ITPRID1: variants seen among roughly 807,000 people sequenced by gnomAD.
The protein encoded by ITPRID1 is protein ITPRID1.
ITPRID1 carries 96 observed loss-of-function variants against 95.4 expected under a neutral mutation model. That is an observed-to-expected ratio of 1.01 (90% CI 0.85 to 1.19). ITPRID1 has a LOEUF of 1.19. ITPRID1 is among the 50% of genes most tolerant of loss of function. The pLI is 0.00. For missense variants in ITPRID1, 1,339 were observed against 1,252.9 expected (o/e 1.07, Z -1.04); for synonymous variants, 510 against 453.6 (o/e 1.12, Z -1.58).
intron 5 of ITPRID1, among the ~76,000 whole-genome samples, chr7:31,556,896 CA>C (rs1306637150): frequency 3.9e-5 from 6 of 151,996 alleles, no homozygotes; most frequent in Non-Finnish European, 7.4e-5. Flanking sequence ...AGCCCAAAAT[CA>C]AGGTGTCACC....
Position 31,572,140 on chromosome 7 carries a change from G to A in ITPRID1, c.347G>A (p.Arg116Lys). 6.2e-7 allele frequency: 1 copy of A among 1,612,126 alleles called. No individual in the cohort carries two copies. Among genetic ancestry groups the A allele is most frequent in the Non-Finnish European group, 8.5e-7 (1 of 1,178,678 alleles). ...HQFSETPILS[R>K]GTSFNSCYST... ...TTTTCAGAAACTCCCATCCTATCCAGAGGGACCAGTTTCAACTCTTGCTAT... is the reference window on the plus strand; with the variant it reads ...TTTTCAGAAACTCCCATCCTATCCAAAGGGACCAGTTTCAACTCTTGCTAT... Residue 116 changes from arginine to lysine, a missense_variant, in exon 7 of 15, where the codon AGA (arginine) becomes AAA (lysine). Coordinates refer to ENST00000615280, the MANE Select transcript of ITPRID1 (RefSeq NM_001257967.3).
At chr7:31,582,706 G>T (rs557408363) in intron 9 of ITPRID1, among the ~76,000 whole-genome samples, 101 of 151,922 alleles carry the variant, frequency 6.6e-4, no homozygotes, top group African/African-American at 2.4e-3. Flanking sequence ...AATAAATTTT[G>T]TTCTAGCAAT....
chr7:31,526,316 G>A (rs1290568165), intron 1 of ITPRID1, among the ~76,000 whole-genome samples: 1 of 152,188 alleles, frequency 6.6e-6, no homozygotes, highest in Admixed American at 6.6e-5. Flanking sequence ...TTTATTGGGG[G>A]TTAACCCCAT....
In ITPRID1 at chr7:31,587,243, T is replaced by C. The variant is rs566786013; in HGVS notation, c.1228+4052T>C. Among the ~76,000 whole-genome samples, 332 of 152,238 alleles carry C rather than the reference T, an allele frequency of 2.2e-3. 4 individuals are homozygous for C. Among genetic ancestry groups the C allele is most frequent in the African/African-American group, 7.6e-3 (317 of 41,544 alleles). ...ATGATTGTATATCTAGAAAACCCCA[T>C]TGTCTCAGCCCAAAATCTCCTTAAG... is the stretch of plus-strand genomic sequence containing the variant. On this transcript the variant is annotated intron_variant, in intron 10 of 14. Coordinates refer to ENST00000615280, the MANE Select transcript of ITPRID1 (RefSeq NM_001257967.3).
chr7:31,590,035 T>C (rs1041359693), intron 10 of ITPRID1, among the ~76,000 whole-genome samples: 2 of 152,110 alleles, frequency 1.3e-5, no homozygotes, highest in Non-Finnish European at 2.9e-5. Context: ...CAAAAATTTA[T>C]ATACATATAT....
chr7:31,565,958 C>T (rs1421181672), intron 5 of ITPRID1, among the ~76,000 whole-genome samples: 1 of 152,104 alleles, frequency 6.6e-6, no homozygotes, highest in Non-Finnish European at 1.5e-5. Context: ...GTCATCAGAC[C>T]ATGACCCAAA....
intron 10 of ITPRID1, among the ~76,000 whole-genome samples, chr7:31,602,040 GT>G (rs78634379): frequency 6.0e-5 from 9 of 150,024 alleles, no homozygotes; most frequent in African/African-American, 1.2e-4. Context: ...ATGATAAGGG[GT>G]TTTTTTTTTC....
At chr7:31,657,293 T>C (rs1791352989), downstream of ITPRID1, among the ~76,000 whole-genome samples, 1 of 152,206 alleles carries the variant, frequency 6.6e-6, no homozygotes, top group South Asian at 2.1e-4. Flanking sequence ...GTCATGGCTC[T>C]GCCAAGCTTT....
intron 1 of ITPRID1, among the ~76,000 whole-genome samples, chr7:31,522,573 C>T (rs1051380726): frequency 6.6e-6 from 1 of 152,174 alleles, no homozygotes; most frequent in African/African-American, 2.4e-5. Flanking sequence ...AAAGTTGGGA[C>T]AGATGCATTC....
intron 12 of ITPRID1, among the ~76,000 whole-genome samples, chr7:31,648,569 C>G (rs964103520): frequency 6.6e-6 from 1 of 152,172 alleles, no homozygotes; most frequent in Admixed American, 6.5e-5. Flanking sequence ...CAAACCAAAA[C>G]ACCCCAGTCT....
At chr7:31,619,009 G>A (rs1421451589) in intron 10 of ITPRID1, among the ~76,000 whole-genome samples, 1 of 152,176 alleles carries the variant, frequency 6.6e-6, no homozygotes, top group Non-Finnish European at 1.5e-5. Flanking sequence ...CTTACATTGT[G>A]TCTGAGAGAG....
At chr7:31,571,967 G>C (rs1785005245) in intron 6 of ITPRID1, 135 bp from the exon 7 acceptor site, 1 of 594,490 alleles carries the variant, frequency 1.7e-6, no homozygotes, top group African/African-American at 1.9e-5. Flanking sequence ...CTTCTGCAAA[G>C]GTGTGGTCAT....
chr7:31,651,962 C>CTGA lies in ITPRID1; in HGVS notation c.2735_2736insTGA (p.Thr912_Leu913insGlu). The CTGA allele has an allele frequency of 1.2e-6, 2 of 1,601,258 alleles. No individual in the cohort carries two copies. Among genetic ancestry groups the CTGA allele is most frequent in the Non-Finnish European group, 1.7e-6 (2 of 1,174,046 alleles). On this transcript the variant is annotated inframe_insertion, in exon 14 of 15. Coordinates refer to ENST00000615280, the MANE Select transcript of ITPRID1 (RefSeq NM_001257967.3). Reference sequence around the variant, plus strand: ...AGGGAGGAGGCCGAGCAACTGCAAACGTTACGTGAGGCCCTGAGGCAGCAG... The same window carrying CTGA: ...AGGGAGGAGGCCGAGCAACTGCAAACTGAGTTACGTGAGGCCCTGAGGCAGCAG...
At position 31,572,176 on chromosome 7, in the gene ITPRID1, G is replaced by T. The variant is rs1269281628; in HGVS notation, c.383G>T (p.Ser128Ile). 6.2e-7 allele frequency: 1 copy of T among 1,605,862 alleles called. No individual in the cohort carries two copies. The highest frequency in any genetic ancestry group is 8.5e-7 in the Non-Finnish European group (1 of 1,173,406). ...TTCAACTCTTGCTATTCTACTGCAAGTGTACCACAAAGGTATGTAATTTCC... is the reference window on the plus strand; with the variant it reads ...TTCAACTCTTGCTATTCTACTGCAATTGTACCACAAAGGTATGTAATTTCC... ...TSFNSCYSTA[S>I]VPQSIPEWLE... The change falls in exon 7 of 15, where the codon AGT becomes ATT. Residue 128 changes from serine to isoleucine, a missense_variant. Physicochemically the swap from Ser to Ile is moderately radical, Grantham distance 142. Transcript: ENST00000615280.
At chr7:31,605,705 A>T (rs1469450287) in intron 10 of ITPRID1, among the ~76,000 whole-genome samples, 1 of 152,220 alleles carries the variant, frequency 6.6e-6, no homozygotes, top group Non-Finnish European at 1.5e-5. Context: ...AACTGATCTT[A>T]TTCTGGCCGT....
Position 31,652,944 on chromosome 7 carries a change from C to A in ITPRID1, c.*115C>A, listed in dbSNP as rs1390895934. On this transcript the variant is annotated 3_prime_UTR_variant, in exon 15 of 15. Coordinates refer to ENST00000615280, the MANE Select transcript of ITPRID1 (RefSeq NM_001257967.3). ...TCTGCCAACCCATTGTCAGCTATAT[C>A]TCTCATATTCTACCCTTTGGTTAAA... 6.7e-7 allele frequency: 1 copy of A among 1,492,686 alleles called. No individual in the cohort carries two copies. Among genetic ancestry groups the A allele is most frequent in the Non-Finnish European group, 8.9e-7 (1 of 1,123,374 alleles). The allele number at this position is 1,492,686 out of a possible 1,614,324, so 92.5% of individuals were successfully genotyped here. A position where few individuals can be genotyped will look rare whatever the true frequency, so the allele number is the denominator to read the frequency against.
At position 31,586,521 on chromosome 7, in the gene ITPRID1, T is replaced by C. The variant is rs1357575940; in HGVS notation, c.1228+3330T>C. 6.0e-5 allele frequency among the ~76,000 whole-genome samples: 9 copies of C among 151,250 alleles called. No homozygotes were observed. In the South Asian group the frequency reaches 1.9e-3, roughly 31 times the overall value. On this transcript the variant is annotated intron_variant, in intron 10 of 14. Transcript: ENST00000615280. ...CACCTGTTGTTTCCTGACTTTTTAA[T>C]GATCGCCATTCTAACTGGTGTGAGA...
chr7:31,610,108 A>C (rs1181496086), intron 10 of ITPRID1, among the ~76,000 whole-genome samples: 1 of 151,588 alleles, frequency 6.6e-6, no homozygotes, highest in Non-Finnish European at 1.5e-5. Context: ...ATGGATTTCT[A>C]ATCTCATTCT....
chr7:31,546,397 TTG>T (rs141172213), intron 1 of ITPRID1, among the ~76,000 whole-genome samples: 1,535 of 148,656 alleles, frequency 0.01, 12 homozygotes, highest in Admixed American at 0.019. Context: ...CAGAGAAATA[TTG>T]TGTGTGTGTG....
Sources: allele counts gnomAD v4.1 joint callset (sites outside exome capture counted in the v4.1 genomes callset), GRCh38; gene constraint gnomAD v4.1.1; transcripts MANE v1.5; gene names NCBI Gene and HGNC (gene_info 2026-07-23, HGNC 2026-07-21).